The following SMO variants were observed in gnomAD, a reference collection of about 807,000 sequenced individuals.
SMO encodes smoothened, frizzled class receptor.
In SMO, 40 loss-of-function variants were observed where a neutral mutation model predicts 81.6. The observed-to-expected ratio is 0.49, with a 90% CI of 0.38 to 0.64. The LOEUF is 0.64. Among genes scored for constraint, SMO ranks in the 30% least tolerant of loss-of-function variants. SMO has a pLI of 0.00. For missense variants in SMO, 916 were observed against 1,061.1 expected (o/e 0.86, Z 1.90); for synonymous variants, 434 against 432.1 (o/e 1.00, Z -0.05).
rs1193567638 is a variant in SMO at position 129,209,387 on chromosome 7, G to T, written c.1456G>T (p.Asp486Tyr). 1 of 1,610,006 alleles carries T rather than the reference G, an allele frequency of 6.2e-7. No individual in the cohort carries two copies. ...GGCTGAGTGGGAGCGCAGCTTCCGG[G>T]ACTATGTGCTGTGAGTGAGGGGCAT... ...NQAEWERSFR[D>Y]YVLCQANVTI... The change falls in exon 8 of 12, where the codon GAC (aspartate) becomes TAC (tyrosine). Residue 486 changes from aspartate (D) to tyrosine (Y), a missense_variant. Asp to Tyr is a radical substitution (Grantham distance 160). Around this residue, in one of 4 missense-constraint regions of SMO, gnomAD observed 436 missense variants for 570.9 expected, o/e 0.76. Coordinates refer to ENST00000249373, the MANE Select transcript of SMO (RefSeq NM_005631.5).
At chr7:129,193,484 C>A (rs557613146) in intron 1 of SMO, among the ~76,000 whole-genome samples, 1 of 151,720 alleles carries the variant, frequency 6.6e-6, no homozygotes. Flanking sequence ...TATGGCCGGG[C>A]GCGGTGGCTC....
At chr7:129,207,800 G>A (rs1263535319) in intron 6 of SMO, among the ~76,000 whole-genome samples, 1 of 152,136 alleles carries the variant, frequency 6.6e-6, no homozygotes, top group African/African-American at 2.4e-5. Context: ...GGCTGAGGTG[G>A]GAGGCTTGCT....
At position 129,210,382 on chromosome 7, in the gene SMO, A is replaced by G. The variant is rs1479888709; in HGVS notation, c.1486A>G (p.Ile496Val). The G allele has an allele frequency of 6.2e-7, 1 of 1,614,096 alleles. No individual in the cohort carries two copies. The highest frequency in any genetic ancestry group is 2.2e-5 in the East Asian group (1 of 44,876). The change falls in exon 9 of 12, where the codon ATC becomes GTC. Residue 496 changes from isoleucine to valine, a missense_variant. Ile to Val is a conservative substitution (Grantham distance 29). Coordinates refer to ENST00000249373, the MANE Select transcript of SMO (RefSeq NM_005631.5). This position sits in a 1 kb window ranked among gnomAD's most constrained non-coding sequence, Gnocchi z 4.7. Reference protein sequence around the residue: ...DYVLCQANVTIGLPTKQPIPD... With the variant: ...DYVLCQANVTVGLPTKQPIPD... ...CTGTAGATGTCAGGCCAATGTGACC[A>G]TCGGGCTGCCCACCAAGCAGCCCAT...
rs775323693 is a variant in SMO at position 129,212,464 on chromosome 7, G to A, written c.*13G>A. 9 of 1,604,066 alleles carry A rather than the reference G, an allele frequency of 5.6e-6. No homozygotes were observed. Among genetic ancestry groups the A allele is most frequent in the Non-Finnish European group, 7.7e-6 (9 of 1,173,010 alleles). ...CTCGGACTTCTGAGCCTGCAGAGCA[G>A]GACCTGGGACAGGAAAGAGAGGAAC... On this transcript the variant is annotated 3_prime_UTR_variant, in exon 12 of 12. Coordinates refer to ENST00000249373, the MANE Select transcript of SMO (RefSeq NM_005631.5). The surrounding 1 kb of genome is among the most constrained non-coding windows in gnomAD (Gnocchi z 5.0).
At position 129,207,061 on chromosome 7, in the gene SMO, T is replaced by C. The variant is rs181267796; in HGVS notation, c.1264+474T>C. 2.2e-3 allele frequency among the ~76,000 whole-genome samples: 339 copies of C among 152,278 alleles called. 1 individual carries two copies. Among genetic ancestry groups the C allele is most frequent in the Non-Finnish European group, 4.2e-3 (283 of 68,020 alleles). ...GGTTTCACCATGTTAGCCAGGCTGG[T>C]CTTGAACTCCTGACCTAAAGTGATC... On this transcript the variant is annotated intron_variant, in intron 6 of 11. Coordinates refer to ENST00000249373, the MANE Select transcript of SMO (RefSeq NM_005631.5).
At chr7:129,196,167 T>C (rs954267343) in intron 1 of SMO, among the ~76,000 whole-genome samples, 1 of 151,702 alleles carries the variant, frequency 6.6e-6, no homozygotes, top group African/African-American at 2.4e-5. Context: ...GTTGCTTACA[T>C]TCATAATTGG....
At chr7:129,205,898 C>A in intron 4 of SMO, 116 bp downstream of exon 4, 2 of 911,212 alleles carry the variant, frequency 2.2e-6, no homozygotes, top group Non-Finnish European at 3.4e-6. Context: ...TCTGGCTCTG[C>A]CCTACTGCAT....
chr7:129,211,953 G>T lies in SMO; in HGVS notation c.1937-71G>T. Reference sequence around the variant, plus strand: ...GGGCCCCAGAACTAACAGGTTAAGTGCTCCCAGGGGAGCGGGGGTGGCATG... The same window carrying T: ...GGGCCCCAGAACTAACAGGTTAAGTTCTCCCAGGGGAGCGGGGGTGGCATG... On this transcript the variant is annotated intron_variant, in intron 11 of 11. Transcript: ENST00000249373. This position sits in a 1 kb window ranked among gnomAD's most constrained non-coding sequence, Gnocchi z 4.6. 2.0e-6 allele frequency: 3 copies of T among 1,470,178 alleles called. No homozygotes were observed. Among genetic ancestry groups the T allele is most frequent in the South Asian group, 2.6e-5 (2 of 76,558 alleles). The allele number at this position is 1,470,178 out of a possible 1,614,324, so 91.1% of individuals were successfully genotyped here.
Position 129,212,167 on chromosome 7 carries a change from C to G in SMO, c.2080C>G (p.Pro694Ala), listed in dbSNP as rs2150656624. ...GGCGCCGCCCCCTGAGCTTCACCCC[C>G]CTGCCCCTGCCCCCAGTACCATTCC... Reference protein sequence around the residue: ...PLAPPPELHPPAPAPSTIPRL... With the variant: ...PLAPPPELHPAAPAPSTIPRL... Residue 694 changes from proline (P) to alanine (A), a missense_variant, in exon 12 of 12, where the codon CCT (proline) becomes GCT (alanine). Physicochemically the swap from Pro to Ala is conservative, Grantham distance 27. Coordinates refer to ENST00000249373, the MANE Select transcript of SMO (RefSeq NM_005631.5). The surrounding 1 kb of genome is among the most constrained non-coding windows in gnomAD (Gnocchi z 5.0). 1.3e-6 allele frequency: 2 copies of G among 1,555,106 alleles called. No individual in the cohort carries two copies. Among genetic ancestry groups the G allele is most frequent in the Non-Finnish European group, 1.7e-6 (2 of 1,149,092 alleles).
Position 129,213,018 on chromosome 7 carries a change from T to A in SMO, c.*567T>A. The A allele has an allele frequency of 3.9e-6, 1 of 259,150 alleles. No homozygotes were observed. Among genetic ancestry groups the A allele is most frequent in the Non-Finnish European group, 7.4e-6 (1 of 135,208 alleles). The allele number at this position is 259,150 out of a possible 1,614,324, so 16.1% of individuals were successfully genotyped here. On this transcript the variant is annotated 3_prime_UTR_variant, in exon 12 of 12. Transcript: ENST00000249373. The stretch of plus-strand genomic sequence containing the variant: ...GCTCCCACAGGGGCCATGTCCTCTC[T>A]TAATAGGTGGCACTACCCCAAACCC...
At position 129,210,705 on chromosome 7, in the gene SMO, C is replaced by A. The variant is rs564440423; in HGVS notation, c.1652+157C>A. ...CCTTCTGTCCTTGGGTGGCCTGATG[C>A]CTGGGCCTGGGCCTGGGCCAAGGGC... On this transcript the variant is annotated intron_variant, in intron 9 of 11. Coordinates refer to ENST00000249373, the MANE Select transcript of SMO (RefSeq NM_005631.5). This position sits in a 1 kb window ranked among gnomAD's most constrained non-coding sequence, Gnocchi z 4.7. Among the ~76,000 whole-genome samples the A allele has an allele frequency of 2.0e-4, 30 of 152,342 alleles. No homozygotes were observed. Among genetic ancestry groups the A allele is most frequent in the African/African-American group, 6.7e-4 (28 of 41,586 alleles).
At chr7:129,202,398 C>A (rs953829517) in intron 1 of SMO, among the ~76,000 whole-genome samples, 1 of 152,152 alleles carries the variant, frequency 6.6e-6, no homozygotes. Context: ...GTCTCTACCA[C>A]CCCCAGCCTG....
chr7:129,211,590 C>G lies in SMO; in HGVS notation c.1802-46C>G. 1 of 1,600,618 alleles carries G rather than the reference C, an allele frequency of 6.2e-7. No individual in the cohort carries two copies. Among genetic ancestry groups the G allele is most frequent in the African/African-American group, 1.3e-5 (1 of 74,804 alleles). On this transcript the variant is annotated intron_variant, in intron 10 of 11. Coordinates refer to ENST00000249373, the MANE Select transcript of SMO (RefSeq NM_005631.5). This position sits in a 1 kb window ranked among gnomAD's most constrained non-coding sequence, Gnocchi z 4.6. ...GACTATGGGAGGCACTGCCAGGGAC[C>G]GGGAAGTCACTATTCCTTCTCCTTT...
intron 1 of SMO, among the ~76,000 whole-genome samples, chr7:129,199,466 G>A (rs893363553): frequency 6.6e-6 from 1 of 152,172 alleles, no homozygotes; most frequent in Non-Finnish European, 1.5e-5. Context: ...ACAGGCGTGA[G>A]CCACCACCAT....
Position 129,189,009 on chromosome 7 carries a change from T to C in SMO, c.-143T>C, listed in dbSNP as rs1197075959. On this transcript the variant is annotated 5_prime_UTR_variant, in exon 1 of 12. Coordinates refer to ENST00000249373, the MANE Select transcript of SMO (RefSeq NM_005631.5). This position sits in a 1 kb window ranked among gnomAD's most constrained non-coding sequence, Gnocchi z 4.7. ...CCGAGGGGCCGGGGCGCGCGGAGCG[T>C]CCGGGGGGGCCCGGGCCCGGATTCT... is the stretch of plus-strand genomic sequence containing the variant. 1.5e-6 allele frequency: 1 copy of C among 665,678 alleles called. No homozygotes were observed. The highest frequency in any genetic ancestry group is 2.1e-6 in the Non-Finnish European group (1 of 479,782). The allele number at this position is 665,678 out of a possible 1,614,324, so 41.2% of individuals were successfully genotyped here. A position where few individuals can be genotyped will look rare whatever the true frequency, so the allele number is the denominator to read the frequency against.
At position 129,205,247 on chromosome 7, in the gene SMO, A is replaced by G. The variant is rs56334250; in HGVS notation, c.582A>G (p.Glu194=). 2.8e-3 allele frequency: 4,479 copies of G among 1,614,218 alleles called. 154 individuals are homozygous for G. The East Asian group carries it at 0.082, about 30-fold the overall frequency. ...AGTTCAACAGTTCAGGCCAGTGCGAAGTGCCCTTGGTTCGGACAGACAACC... is the reference window on the plus strand; with the variant it reads ...AGTTCAACAGTTCAGGCCAGTGCGAGGTGCCCTTGGTTCGGACAGACAACC... ...NIKFNSSGQC[E]VPLVRTDNPK... is the part of the protein sequence containing the mutation. The change falls in exon 3 of 12, where the codon GAA becomes GAG. Residue 194 remains glutamate (E), a synonymous_variant. Coordinates refer to ENST00000249373, the MANE Select transcript of SMO (RefSeq NM_005631.5).
intron 1 of SMO, among the ~76,000 whole-genome samples, chr7:129,190,462 C>T (rs1406233383): frequency 6.6e-6 from 1 of 152,200 alleles, no homozygotes; most frequent in Non-Finnish European, 1.5e-5. Context: ...CTAAAACTGT[C>T]CTGGGAAAAA....
In SMO at chr7:129,211,492, A is replaced by T; in HGVS notation, c.1802-144A>T. On this transcript the variant is annotated intron_variant, in intron 10 of 11. Transcript: ENST00000249373. This position sits in a 1 kb window ranked among gnomAD's most constrained non-coding sequence, Gnocchi z 4.6. ...TTCTCTTCAGATTCTGAAGGGGTAGAGATCACCGTGGTTACAGGGTGAGCT... is the reference window on the plus strand; with the variant it reads ...TTCTCTTCAGATTCTGAAGGGGTAGTGATCACCGTGGTTACAGGGTGAGCT... 1.1e-6 allele frequency: 1 copy of T among 893,420 alleles called. No homozygotes were observed. The highest frequency in any genetic ancestry group is 1.8e-6 in the Non-Finnish European group (1 of 549,026). The allele number at this position is 893,420 out of a possible 1,614,324, so 55.3% of individuals were successfully genotyped here. A position where few individuals can be genotyped will look rare whatever the true frequency, so the allele number is the denominator to read the frequency against.
chr7:129,188,859 C>T lies in SMO; in HGVS notation c.-293C>T, dbSNP rs1312950920. ...GGAATGGGGCTGGGGATTGGGGGCCCAGGGGTCTCCTAGGGCTGAAGACAA... is the reference window on the plus strand; with the variant it reads ...GGAATGGGGCTGGGGATTGGGGGCCTAGGGGTCTCCTAGGGCTGAAGACAA... On this transcript the variant is annotated 5_prime_UTR_variant, in exon 1 of 12. Coordinates refer to ENST00000249373, the MANE Select transcript of SMO (RefSeq NM_005631.5). This position sits in a 1 kb window ranked among gnomAD's most constrained non-coding sequence, Gnocchi z 4.9. 3.6e-6 allele frequency: 1 copy of T among 275,964 alleles called. No individual in the cohort carries two copies. Among genetic ancestry groups the T allele is most frequent in the African/African-American group, 2.2e-5 (1 of 45,668 alleles). The allele number at this position is 275,964 out of a possible 1,614,324, so 17.1% of individuals were successfully genotyped here. A position where few individuals can be genotyped will look rare whatever the true frequency, so the allele number is the denominator to read the frequency against.
Sources: gnomAD v4.1 joint callset for allele counts (sites outside exome capture counted in the v4.1 genomes callset) on GRCh38, gnomAD v4.1.1 for gene constraint, gnomAD v4.1.1 regional missense constraint, Gnocchi (gnomAD v3.1) non-coding constraint, MANE v1.5 for transcripts, NCBI Gene and HGNC (gene_info 2026-07-23, HGNC 2026-07-21) for gene names.